The following FRS2 variants were observed in gnomAD, a reference collection of about 807,000 sequenced individuals.
FRS2 encodes the protein fibroblast growth factor receptor substrate 2.
FRS2 carries 8 observed loss-of-function variants against 43.9 expected under a neutral mutation model. The ratio of observed to expected loss-of-function variants is 0.18; its 90% CI spans 0.11 to 0.33. The LOEUF (loss-of-function observed/expected upper bound fraction) is 0.33. Among genes scored for constraint, FRS2 ranks in the 10% least tolerant of loss-of-function variants. FRS2 has a pLI of 1.00. For missense variants in FRS2, 534 were observed against 627.6 expected (o/e 0.85, Z 1.59); for synonymous variants, 219 against 220.3 (o/e 0.99, Z 0.05).
intron 1 of FRS2, among the ~76,000 whole-genome samples, chr12:69,502,716 TTATAAA>T (rs1430489724): frequency 3.3e-5 from 5 of 152,224 alleles, no homozygotes; most frequent in Admixed American, 6.5e-5. Context: ...AGTCTGGTAA[TTATAAA>T]TATGAGGGAA....
intron 3 of FRS2, among the ~76,000 whole-genome samples, chr12:69,557,623 C>CGCGT (rs1022669043): frequency 4.0e-5 from 4 of 99,354 alleles, no homozygotes; most frequent in African/African-American, 1.1e-4. Flanking sequence ...TGTGTGTGCG[C>CGCGT]GCGCGCGCGC....
At chr12:69,544,011 C>A (rs1189556554) in intron 3 of FRS2, among the ~76,000 whole-genome samples, 7 of 112,026 alleles carry the variant, frequency 6.2e-5, no homozygotes, top group Non-Finnish European at 1.0e-4. Flanking sequence ...TTGAAGTGGA[C>A]AAAAAATGAC....
rs1439897369 is a variant in FRS2 at position 69,578,662 on chromosome 12, A to G, written c.*3707A>G. 1 of 152,622 alleles carries G rather than the reference A, an allele frequency of 6.6e-6. No individual in the cohort carries two copies. The highest frequency in any genetic ancestry group is 1.5e-5 in the Non-Finnish European group (1 of 68,026). The allele number at this position is 152,622 out of a possible 1,614,324, so 9.5% of individuals were successfully genotyped here. On this transcript the variant is annotated 3_prime_UTR_variant, in exon 9 of 9. Coordinates refer to ENST00000549921, the MANE Select transcript of FRS2 (RefSeq NM_001278356.2). ...AGTAATGCAAAATATACATTTTATAAAGGACAAACTTTGTGTTATGTTTTA... is the reference window on the plus strand; with the variant it reads ...AGTAATGCAAAATATACATTTTATAGAGGACAAACTTTGTGTTATGTTTTA...
intron 1 of FRS2, among the ~76,000 whole-genome samples, chr12:69,478,976 G>C (rs1173131282): frequency 6.9e-6 from 1 of 144,358 alleles, no homozygotes; most frequent in Non-Finnish European, 1.5e-5. Context: ...ATTTCCCTCT[G>C]TCTTGAAGTT....
intron 1 of FRS2, among the ~76,000 whole-genome samples, chr12:69,520,935 A>C (rs1216414937): frequency 6.6e-6 from 1 of 152,012 alleles, no homozygotes; most frequent in Non-Finnish European, 1.5e-5. Context: ...TAAATTAAAA[A>C]ATTTTTTTTT....
intron 1 of FRS2, among the ~76,000 whole-genome samples, chr12:69,508,707 A>G (rs1874184200): frequency 6.6e-6 from 1 of 152,206 alleles, no homozygotes; most frequent in African/African-American, 2.4e-5. Flanking sequence ...TTTACAAGGC[A>G]GTCAGTTTCC....
intron 1 of FRS2, among the ~76,000 whole-genome samples, chr12:69,513,558 A>C (rs1352044604): frequency 6.6e-6 from 1 of 152,194 alleles, no homozygotes; most frequent in African/African-American, 2.4e-5. Flanking sequence ...GAGGAGGAGG[A>C]GTGTGCGTTA....
rs1881193749 is a variant in FRS2, at chr12:69,576,379, A to C, written c.*1424A>C. 6.6e-6 allele frequency: 1 copy of C among 152,252 alleles called. No individual in the cohort carries two copies. Among genetic ancestry groups the C allele is most frequent in the Non-Finnish European group, 1.5e-5 (1 of 68,036 alleles). The allele number at this position is 152,252 out of a possible 1,614,324, so 9.4% of individuals were successfully genotyped here. A position where few individuals can be genotyped will look rare whatever the true frequency, so the allele number is the denominator to read the frequency against. ...CATAATTTAGGATTTAAAATGAATTAAAGTTTATATAAACTGAAGAGTCTC... is the reference window on the plus strand; with the variant it reads ...CATAATTTAGGATTTAAAATGAATTCAAGTTTATATAAACTGAAGAGTCTC... On this transcript the variant is annotated 3_prime_UTR_variant, in exon 9 of 9. Transcript: ENST00000549921.
intron 3 of FRS2, among the ~76,000 whole-genome samples, chr12:69,539,297 G>C (rs922774261): frequency 6.6e-6 from 1 of 152,062 alleles, no homozygotes; most frequent in African/African-American, 2.4e-5. Context: ...GGCTGGTCTT[G>C]AACTCCTGGC....
intron 1 of FRS2, among the ~76,000 whole-genome samples, chr12:69,482,783 C>G (rs1871458637): frequency 6.6e-6 from 1 of 152,178 alleles, no homozygotes; most frequent in South Asian, 2.1e-4. Flanking sequence ...AGGTTCAAAA[C>G]TATTCAGTTA....
intron 1 of FRS2, among the ~76,000 whole-genome samples, chr12:69,511,139 G>C (rs1402474362): frequency 6.6e-6 from 1 of 152,110 alleles, no homozygotes; most frequent in Non-Finnish European, 1.5e-5. Flanking sequence ...GTTTTATGCA[G>C]CCCATCAGTA....
intron 3 of FRS2, among the ~76,000 whole-genome samples, chr12:69,542,120 C>CG (rs1437786757): frequency 6.6e-6 from 1 of 151,862 alleles, no homozygotes; most frequent in Non-Finnish European, 1.5e-5. Flanking sequence ...ATATAGGTGG[C>CG]GGGGGGTTAT....
At chr12:69,568,552 G>T (rs1219714387) in intron 4 of FRS2, among the ~76,000 whole-genome samples, 1 of 149,766 alleles carries the variant, frequency 6.7e-6, no homozygotes, top group Non-Finnish European at 1.5e-5. Flanking sequence ...TGTGTCTCTG[G>T]CTGTCTCTCT....
At chr12:69,517,641 G>A (rs1466216758) in intron 1 of FRS2, among the ~76,000 whole-genome samples, 5 of 61,444 alleles carry the variant, frequency 8.1e-5, no homozygotes, top group Non-Finnish European at 1.7e-4. Flanking sequence ...AGGGCACATA[G>A]GCCATTTCTA....
intron 1 of FRS2, among the ~76,000 whole-genome samples, chr12:69,474,074 C>T (rs1459613229): frequency 6.6e-6 from 1 of 152,134 alleles, no homozygotes; most frequent in Admixed American, 6.6e-5. Context: ...ATCTCTTGAC[C>T]TCGTGATCCG....
At chr12:69,481,741 C>T (rs757345302) in intron 1 of FRS2, among the ~76,000 whole-genome samples, 16 of 152,026 alleles carry the variant, frequency 1.1e-4, no homozygotes, top group East Asian at 3.9e-4. Flanking sequence ...ATTTATTTTA[C>T]GGAAGGTTTT....
intron 3 of FRS2, among the ~76,000 whole-genome samples, chr12:69,552,332 G>C (rs1232732640): frequency 1.5e-5 from 2 of 130,460 alleles, no homozygotes; most frequent in African/African-American, 5.6e-5. Context: ...AAAAAATCAT[G>C]TCTCAGCTTT....
intron 3 of FRS2, among the ~76,000 whole-genome samples, chr12:69,542,412 G>T (rs1877995559): frequency 1.3e-5 from 2 of 152,050 alleles, no homozygotes; most frequent in Non-Finnish European, 1.5e-5. Context: ...ACAAAATACA[G>T]CATAACAACT....
At chr12:69,545,354 G>T (rs180909197) in intron 3 of FRS2, among the ~76,000 whole-genome samples, 1 of 152,190 alleles carries the variant, frequency 6.6e-6, no homozygotes, top group Admixed American at 6.5e-5. Flanking sequence ...GAAGAAAGCT[G>T]GTGACTCACA....
Sources: allele counts gnomAD v4.1 joint callset (sites outside exome capture counted in the v4.1 genomes callset), GRCh38; gene constraint gnomAD v4.1.1; transcripts MANE v1.5; gene names NCBI Gene and HGNC (gene_info 2026-07-23, HGNC 2026-07-21).